The following JAM3 variants were observed in gnomAD, a reference collection of about 807,000 sequenced individuals.
The protein encoded by JAM3 is junctional adhesion molecule 3.
In JAM3, 31 loss-of-function variants were observed where a neutral mutation model predicts 39.4. That is an observed-to-expected ratio of 0.79 (90% confidence interval 0.59 to 1.06). The LOEUF (loss-of-function observed/expected upper bound fraction) is 1.06. Among genes scored for constraint, JAM3 ranks in the 50% least tolerant of loss-of-function variants. The pLI, the probability that JAM3 is intolerant of heterozygous loss-of-function variation, is 0.00. For synonymous variants in JAM3, 182 were observed against 148.7 expected (o/e 1.22, Z -1.63); for missense variants, 455 against 391.4 (o/e 1.16, Z -1.37).
rs368934602 is a variant in JAM3, at chr11:134,148,955, A to AACAC, written c.898-154_898-151dup. 29,538 of 683,016 alleles carry AACAC rather than the reference A, an allele frequency of 0.043. 807 individuals carry two copies. The highest frequency in any genetic ancestry group is 0.044 in the Non-Finnish European group (17,273 of 388,546). The allele number at this position is 683,016 out of a possible 1,614,324, so 42.3% of individuals were successfully genotyped here. A position where few individuals can be genotyped will look rare whatever the true frequency, so the allele number is the denominator to read the frequency against. ...CTGAGCTCCTCAGCCCCTTCACAGTAACACACACACACACACACACACACA... is the reference window on the plus strand; with the variant it reads ...CTGAGCTCCTCAGCCCCTTCACAGTAACACACACACACACACACACACACACACA... On this transcript the variant is annotated intron_variant, in intron 8 of 8. Transcript: ENST00000299106.
At chr11:134,079,421 A>G (rs530268599) in intron 1 of JAM3, among the ~76,000 whole-genome samples, 6 of 152,288 alleles carry the variant, frequency 3.9e-5, no homozygotes, top group Admixed American at 6.5e-5. Context: ...TCTCCACAGG[A>G]TGAAGTGCTG....
intron 1 of JAM3, among the ~76,000 whole-genome samples, chr11:134,082,310 A>G (rs2120597647): frequency 6.6e-6 from 1 of 152,358 alleles, no homozygotes; most frequent in Non-Finnish European, 1.5e-5. Context: ...TAATGCTGAA[A>G]TGAGCTAAAC....
intron 1 of JAM3, among the ~76,000 whole-genome samples, chr11:134,074,035 T>G (rs1242935019): frequency 6.6e-6 from 1 of 152,224 alleles, no homozygotes; most frequent in African/African-American, 2.4e-5. Context: ...TTTGTGCAGT[T>G]ACAAGGTTAA....
chr11:134,140,303 T>A (rs1942950793), intron 2 of JAM3, among the ~76,000 whole-genome samples: 1 of 152,118 alleles, frequency 6.6e-6, no homozygotes, highest in South Asian at 2.1e-4. Context: ...TGTACGGGGT[T>A]TTGCCATGTT....
intron 1 of JAM3, among the ~76,000 whole-genome samples, chr11:134,134,284 G>A (rs1188366311): frequency 2.0e-5 from 3 of 148,950 alleles, no homozygotes; most frequent in Non-Finnish European, 4.4e-5. Context: ...ACCAGAAACA[G>A]AAGATGAGAA....
rs1941551029 is a variant in JAM3 at position 134,075,419 on chromosome 11, AG to A, written c.76+6261del. ...CACATGTTTTGTTTTGGGATGAGTG[AG>A]TTATAATGATTAATAACACCTGCCA... On this transcript the variant is annotated intron_variant, in intron 1 of 8. Transcript: ENST00000299106. Among the ~76,000 whole-genome samples, 3 of 152,290 alleles carry A rather than the reference AG, an allele frequency of 2.0e-5. No individual in the cohort carries two copies. The South Asian group carries it at 6.2e-4, about 32-fold the overall frequency.
At chr11:134,121,884 A>G (rs1462879822) in intron 1 of JAM3, among the ~76,000 whole-genome samples, 3 of 151,906 alleles carry the variant, frequency 2.0e-5, no homozygotes, top group East Asian at 3.9e-4. Flanking sequence ...GAGTGTGTCA[A>G]AGGGAAAAGG....
rs1265206116 is a variant in JAM3, at chr11:134,149,984, CTG to C, written c.*805_*806del. 12 of 167,368 alleles carry C rather than the reference CTG, an allele frequency of 7.2e-5. No individual in the cohort carries two copies. Among genetic ancestry groups the C allele is most frequent in the African/African-American group, 1.9e-4 (8 of 41,596 alleles). 10.4% of individuals were successfully genotyped at this position (167,368 alleles called of 1,614,324 possible). ...ATTGAAAAGAAAATTTCTATTTAAACTGTAAATATATTGTCATACAATGTTAA... is the reference window on the plus strand; with the variant it reads ...ATTGAAAAGAAAATTTCTATTTAAACTAAATATATTGTCATACAATGTTAA... On this transcript the variant is annotated 3_prime_UTR_variant, in exon 9 of 9. Coordinates refer to ENST00000299106, the MANE Select transcript of JAM3 (RefSeq NM_032801.5).
At chr11:134,120,367 C>G (rs1460414075) in intron 1 of JAM3, among the ~76,000 whole-genome samples, 1 of 152,206 alleles carries the variant, frequency 6.6e-6, no homozygotes, top group Non-Finnish European at 1.5e-5. Flanking sequence ...AATATAACTC[C>G]TTAGAGAGCC....
intron 1 of JAM3, among the ~76,000 whole-genome samples, chr11:134,109,097 C>A (rs1273420698): frequency 1.3e-5 from 2 of 152,084 alleles, no homozygotes; most frequent in African/African-American, 4.8e-5. Context: ...GCTGGGACTA[C>A]AGGCACGAGC....
intron 1 of JAM3, among the ~76,000 whole-genome samples, chr11:134,084,439 C>CTGACTA (rs1941714860): frequency 6.6e-6 from 1 of 152,164 alleles, no homozygotes; most frequent in Non-Finnish European, 1.5e-5. Flanking sequence ...TTACAAAATA[C>CTGACTA]TGACTATATA....
At chr11:134,091,884 T>A (rs1384682951) in intron 1 of JAM3, among the ~76,000 whole-genome samples, 4 of 151,262 alleles carry the variant, frequency 2.6e-5, no homozygotes, top group Admixed American at 1.3e-4. Flanking sequence ...ATAGTATAAA[T>A]TTGGGAAGCT....
At chr11:134,072,047 TA>T (rs1941491877) in intron 1 of JAM3, among the ~76,000 whole-genome samples, 1 of 152,226 alleles carries the variant, frequency 6.6e-6, no homozygotes, top group Admixed American at 6.5e-5. Context: ...AACTTGTTCT[TA>T]AACTCCATGG....
At chr11:134,139,637 T>A (rs1368054859) in intron 1 of JAM3, 3 of 583,408 alleles carry the variant, frequency 5.1e-6, no homozygotes, top group Non-Finnish European at 9.2e-6. Flanking sequence ...TTCTTAGAAC[T>A]CTTCTCTTTC....
chr11:134,071,814 C>G (rs1941487863), intron 1 of JAM3, among the ~76,000 whole-genome samples: 1 of 150,894 alleles, frequency 6.6e-6, no homozygotes, highest in Non-Finnish European at 1.5e-5. Context: ...TAATCATTGT[C>G]AGACTTGTGT....
At chr11:134,136,237 C>T (rs1017840858) in intron 1 of JAM3, among the ~76,000 whole-genome samples, 2 of 152,198 alleles carry the variant, frequency 1.3e-5, no homozygotes, top group Middle Eastern at 3.2e-3. Context: ...AATAATGTAA[C>T]TTCAGTATGA....
At chr11:134,083,178 G>A (rs149408473) in intron 1 of JAM3, among the ~76,000 whole-genome samples, 1 of 152,264 alleles carries the variant, frequency 6.6e-6, no homozygotes, top group East Asian at 1.9e-4. Flanking sequence ...CATCCTGTTA[G>A]TACAGCTTGT....
At chr11:134,125,141 G>A (rs935487638) in intron 1 of JAM3, among the ~76,000 whole-genome samples, 9 of 152,276 alleles carry the variant, frequency 5.9e-5, no homozygotes, top group African/African-American at 1.7e-4. Flanking sequence ...AGCCGCTCCC[G>A]GACGGACAAC....
At chr11:134,134,820 C>G (rs1217817188) in intron 1 of JAM3, among the ~76,000 whole-genome samples, 1 of 152,198 alleles carries the variant, frequency 6.6e-6, no homozygotes, top group Non-Finnish European at 1.5e-5. Context: ...TATTTGAACT[C>G]TTTGCCCATT....
Sources: gnomAD v4.1 joint callset for allele counts (sites outside exome capture counted in the v4.1 genomes callset) on GRCh38, gnomAD v4.1.1 for gene constraint, MANE v1.5 for transcripts, NCBI Gene and HGNC (gene_info 2026-07-23, HGNC 2026-07-21) for gene names.